Variants in FAM98B observed in about 807,000 individuals in gnomAD.
FAM98B encodes the protein tRNA-splicing ligase complex subunit FAM98B.
Under a neutral mutation model 43.9 loss-of-function variants are expected in FAM98B, and 32 were observed. The ratio of observed to expected loss-of-function variants is 0.73; its 90% CI spans 0.55 to 0.98. The LOEUF is 0.98. FAM98B is among the 50% of genes least tolerant of loss of function. The probability of loss-of-function intolerance (pLI) is 0.00; values close to 1 mark genes in which losing one functional copy is unlikely to be tolerated. For missense variants in FAM98B, 514 were observed against 522.9 expected (o/e 0.98, Z 0.17); for synonymous variants, 190 against 174.0 (o/e 1.09, Z -0.72).
Position 38,457,058 on chromosome 15 carries a change from T to A in FAM98B, c.71+2826T>A, listed in dbSNP as rs184620453. On this transcript the variant is annotated intron_variant, in intron 1 of 7. Coordinates refer to ENST00000397609, the MANE Select transcript of FAM98B (RefSeq NM_173611.4). ...TCTGTCAGCAAGATGGAAAATAGAT[T>A]GGAGAATTTAGTTAATAGTCTGTGA... Among the ~76,000 whole-genome samples the A allele has an allele frequency of 5.9e-5, 9 of 152,314 alleles. No homozygotes were observed. The East Asian group carries it at 1.5e-3, about 26-fold the overall frequency.
At chr15:38,474,077 A>G (rs1890161991) in intron 5 of FAM98B, 105 bp from the exon 6 acceptor site, 2 of 715,380 alleles carry the variant, frequency 2.8e-6, no homozygotes, top group Admixed American at 4.8e-5. Flanking sequence ...GTCAGTAAGT[A>G]CATCTTTTGA....
At position 38,481,355 on chromosome 15, in the gene FAM98B, A is replaced by G. The variant is rs774585657; in HGVS notation, c.793A>G (p.Thr265Ala). The change falls in exon 7 of 8, where the codon ACG becomes GCG. Residue 265 changes from threonine to alanine, a missense_variant. Physicochemically the swap from Thr to Ala is moderately conservative, Grantham distance 58. This residue lies in a region of FAM98B where 469 missense variants were observed against 451.8 expected (regional missense o/e 1.04). Coordinates refer to ENST00000397609, the MANE Select transcript of FAM98B (RefSeq NM_173611.4). ...GCGTTATGCTTTGTCACCCAAGACAACGATTACAATGGCACATCTACTTGC... is the reference window on the plus strand; with the variant it reads ...GCGTTATGCTTTGTCACCCAAGACAGCGATTACAATGGCACATCTACTTGC... ...PKRYALSPKT[T>A]ITMAHLLAAR... 5.4e-5 allele frequency: 87 copies of G among 1,614,086 alleles called. No homozygotes were observed. Among genetic ancestry groups the G allele is most frequent in the Non-Finnish European group, 6.9e-5 (81 of 1,180,044 alleles).
rs989493359 is a variant in FAM98B, at chr15:38,485,448, A to G, written c.*789A>G. On this transcript the variant is annotated 3_prime_UTR_variant, in exon 8 of 8. Transcript: ENST00000397609. ...TTATGCTCTCACTTTAGATATCCAA[A>G]TATTAAAAGGCAGGCTGACCTGTAT... The G allele has an allele frequency of 2.0e-5, 3 of 152,224 alleles. No homozygotes were observed. The highest frequency in any genetic ancestry group is 7.2e-5 in the African/African-American group (3 of 41,456). 9.4% of individuals were successfully genotyped at this position (152,224 alleles called of 1,614,324 possible).
Position 38,465,365 on chromosome 15 carries a change from A to G in FAM98B, c.314A>G (p.Asp105Gly). 6.2e-7 allele frequency: 1 copy of G among 1,605,404 alleles called. No homozygotes were observed. Among genetic ancestry groups the G allele is most frequent in the South Asian group, 1.1e-5 (1 of 88,596 alleles). Residue 105 changes from aspartate to glycine, a missense_variant, in exon 3 of 8, where the codon GAT (aspartate) becomes GGT (glycine). This residue lies in a region of FAM98B where 469 missense variants were observed against 451.8 expected (regional missense o/e 1.04). Coordinates refer to ENST00000397609, the MANE Select transcript of FAM98B (RefSeq NM_173611.4). Reference sequence around the variant, plus strand: ...GTACTCATATCAGGAGATATTAAAGATCGTTTAAAAAAGAAGGAGGACTGT... The same window carrying G: ...GTACTCATATCAGGAGATATTAAAGGTCGTTTAAAAAAGAAGGAGGACTGT... Reference protein sequence around the residue: ...YSVLISGDIKDRLKKKEDCLK... With the variant: ...YSVLISGDIKGRLKKKEDCLK...
At chr15:38,459,338 G>A in intron 1 of FAM98B, 1 of 482,462 alleles carries the variant, frequency 2.1e-6, no homozygotes, top group South Asian at 1.5e-5. Context: ...ATCCGACTTA[G>A]CAGTGGTGTT....
At chr15:38,479,678 A>G (rs1472248894) in intron 6 of FAM98B, among the ~76,000 whole-genome samples, 1 of 152,238 alleles carries the variant, frequency 6.6e-6, no homozygotes, top group African/African-American at 2.4e-5. Flanking sequence ...TATATTAACA[A>G]TACCAGGCAT....
At chr15:38,458,209 C>G (rs908048716) in intron 1 of FAM98B, among the ~76,000 whole-genome samples, 3 of 152,186 alleles carry the variant, frequency 2.0e-5, no homozygotes, top group Admixed American at 2.0e-4. Flanking sequence ...GGCCTGGAAA[C>G]AAGTCCTCAT....
chr15:38,467,602 A>G (rs891757301), intron 3 of FAM98B, among the ~76,000 whole-genome samples: 2 of 152,198 alleles, frequency 1.3e-5, no homozygotes, highest in South Asian at 4.1e-4. Flanking sequence ...TCAATGTCAC[A>G]TTAAAATTCA....
In FAM98B at chr15:38,487,371, A is replaced by G. The variant is rs896291245; in HGVS notation, c.*2712A>G. On this transcript the variant is annotated 3_prime_UTR_variant, in exon 8 of 8. Coordinates refer to ENST00000397609, the MANE Select transcript of FAM98B (RefSeq NM_173611.4). ...GAAAAATGTCCTGAGCAGTGATACTATCTATACCTTGGAAGGAGCACAGGT... is the reference window on the plus strand; with the variant it reads ...GAAAAATGTCCTGAGCAGTGATACTGTCTATACCTTGGAAGGAGCACAGGT... 4 of 152,130 alleles carry G rather than the reference A, an allele frequency of 2.6e-5. No individual in the cohort carries two copies. Among genetic ancestry groups the G allele is most frequent in the African/African-American group, 7.2e-5 (3 of 41,460 alleles). 9.4% of individuals were successfully genotyped at this position (152,130 alleles called of 1,614,324 possible).
At position 38,484,568 on chromosome 15, in the gene FAM98B, G is replaced by T. The variant is rs1208089488; in HGVS notation, c.1211G>T (p.Gly404Val). 1 of 1,402,776 alleles carries T rather than the reference G, an allele frequency of 7.1e-7. No individual in the cohort carries two copies. Among genetic ancestry groups the T allele is most frequent in the Non-Finnish European group, 9.3e-7 (1 of 1,073,216 alleles). 86.9% of individuals were successfully genotyped at this position (1,402,776 alleles called of 1,614,324 possible). Residue 404 changes from glycine to valine, a missense_variant, in exon 8 of 8, where the codon GGC (glycine) becomes GTC (valine). Around this residue, in one of 2 missense-constraint regions of FAM98B, gnomAD observed 45 missense variants for 71.1 expected, o/e 0.63. Coordinates refer to ENST00000397609, the MANE Select transcript of FAM98B (RefSeq NM_173611.4). The stretch of plus-strand genomic sequence containing the variant: ...AGAGGGGGTTATGGTGGAAGAGGGG[G>T]CTATGGTGGAAGAGGCTATGGAGAT... Reference protein sequence around the residue: ...GGRGGYGGRGGYGGRGYGDPY... With the variant: ...GGRGGYGGRGVYGGRGYGDPY...
chr15:38,474,732 A>G (rs573109916), intron 6 of FAM98B, among the ~76,000 whole-genome samples: 14 of 152,202 alleles, frequency 9.2e-5, no homozygotes, highest in Admixed American at 3.3e-4. Context: ...GGCATTTCCA[A>G]ATTTGAATCT....
intron 1 of FAM98B, among the ~76,000 whole-genome samples, chr15:38,463,679 T>G (rs1044169601): frequency 6.6e-6 from 1 of 152,132 alleles, no homozygotes; most frequent in Admixed American, 6.6e-5. Flanking sequence ...TATTAGACTT[T>G]ATGCTGTATT....
chr15:38,481,226 T>G, intron 6 of FAM98B, 66 bp from the exon 7 acceptor site: 1 of 1,357,228 alleles, frequency 7.4e-7, no homozygotes, highest in East Asian at 2.3e-5. Flanking sequence ...CTAAAGATTA[T>G]GATTGTTTTT....
chr15:38,473,274 T>C (rs1890151920), intron 4 of FAM98B, among the ~76,000 whole-genome samples: 1 of 152,166 alleles, frequency 6.6e-6, no homozygotes, highest in Non-Finnish European at 1.5e-5. Flanking sequence ...TGTCTGTGTA[T>C]GTTCGTTCTT....
At chr15:38,458,939 C>G (rs1285830750) in intron 1 of FAM98B, 1 of 415,676 alleles carries the variant, frequency 2.4e-6, no homozygotes, top group African/African-American at 2.0e-5. Context: ...CCTCAGGTTC[C>G]TCCCCAGGCG....
At chr15:38,461,067 AT>A (rs199887235) in intron 1 of FAM98B, among the ~76,000 whole-genome samples, 11 of 151,020 alleles carry the variant, frequency 7.3e-5, no homozygotes, top group African/African-American at 1.9e-4. Context: ...TAAAGATTGG[AT>A]TTTTTTTTCC....
intron 4 of FAM98B, among the ~76,000 whole-genome samples, chr15:38,472,238 C>T (rs1890139496): frequency 6.6e-6 from 1 of 152,040 alleles, no homozygotes; most frequent in South Asian, 2.1e-4. Flanking sequence ...GAGAATTCCT[C>T]TGGAGTGAGG....
intron 1 of FAM98B, chr15:38,459,626 G>A (rs142315312): frequency 8.6e-5 from 17 of 197,878 alleles, no homozygotes; most frequent in Non-Finnish European, 1.3e-4. Flanking sequence ...GTTTGGGCTT[G>A]CTGCAACTCC....
At chr15:38,461,936 C>A (rs1460292488) in intron 1 of FAM98B, among the ~76,000 whole-genome samples, 2 of 152,072 alleles carry the variant, frequency 1.3e-5, no homozygotes, top group African/African-American at 4.8e-5. Flanking sequence ...ACAGTCTCAC[C>A]TCTAGGAATC....
Sources: allele counts gnomAD v4.1 joint callset (sites outside exome capture counted in the v4.1 genomes callset), GRCh38; gene constraint gnomAD v4.1.1; regional missense constraint gnomAD v4.1.1; transcripts MANE v1.5; gene names NCBI Gene and HGNC (gene_info 2026-07-23, HGNC 2026-07-21).